Variants in B4GALT5 observed in about 807,000 individuals in gnomAD.
B4GALT5 encodes the protein UDP-Gal:beta-GlcNAc beta-1,4-galactosyltransferase 5.
Under a neutral mutation model 45.0 loss-of-function variants are expected in B4GALT5, and 11 were observed. The observed-to-expected ratio is 0.24, with a 90% CI of 0.15 to 0.40. The LOEUF is 0.40. Among genes scored for constraint, B4GALT5 ranks in the 10% least tolerant of loss-of-function variants. B4GALT5 has a pLI of 1.00. For synonymous variants in B4GALT5, 185 were observed against 182.9 expected (o/e 1.01, Z -0.09); for missense variants, 337 against 500.2 (o/e 0.67, Z 3.11).
At chr20:49,638,011 T>C (rs2085561213) in intron 7 of B4GALT5, among the ~76,000 whole-genome samples, 1 of 123,718 alleles carries the variant, frequency 8.1e-6, no homozygotes, top group Non-Finnish European at 1.7e-5. Flanking sequence ...ACTTAGACAC[T>C]TGTATCATCT....
chr20:49,702,021 T>C (rs1406163025), intron 1 of B4GALT5, among the ~76,000 whole-genome samples: 2 of 152,174 alleles, frequency 1.3e-5, no homozygotes, highest in South Asian at 2.1e-4. Context: ...GTTGAGATCA[T>C]GCCATTGCAC....
At chr20:49,656,480 T>G (rs781581479) in intron 2 of B4GALT5, 88 bp downstream of exon 2, 4 of 1,533,960 alleles carry the variant, frequency 2.6e-6, no homozygotes, top group Non-Finnish European at 3.6e-6. Flanking sequence ...ACAATGCGCT[T>G]TTCCCATTGA....
chr20:49,698,937 T>C (rs1351344697), intron 1 of B4GALT5, among the ~76,000 whole-genome samples: 1 of 152,156 alleles, frequency 6.6e-6, no homozygotes, highest in Non-Finnish European at 1.5e-5. Flanking sequence ...AAGTAAATAC[T>C]TCCTCATCCC....
intron 1 of B4GALT5, among the ~76,000 whole-genome samples, chr20:49,711,997 C>G (rs997798953): frequency 6.6e-6 from 1 of 152,120 alleles, no homozygotes; most frequent in Non-Finnish European, 1.5e-5. Flanking sequence ...TCCATATAAT[C>G]CAAAATTTTT....
At chr20:49,703,534 G>A (rs1451359095) in intron 1 of B4GALT5, among the ~76,000 whole-genome samples, 1 of 152,086 alleles carries the variant, frequency 6.6e-6, no homozygotes, top group African/African-American at 2.4e-5. Flanking sequence ...TATAGATTAT[G>A]AGGATATGGG....
chr20:49,643,971 C>T (rs1601247076), intron 3 of B4GALT5, among the ~76,000 whole-genome samples: 1 of 127,262 alleles, frequency 7.9e-6, no homozygotes, highest in East Asian at 2.6e-4. Flanking sequence ...CTCTGTTGCC[C>T]GGGCTGGAGT....
At chr20:49,665,295 C>A (rs2085684835) in intron 1 of B4GALT5, among the ~76,000 whole-genome samples, 1 of 151,006 alleles carries the variant, frequency 6.6e-6, no homozygotes, top group Non-Finnish European at 1.5e-5. Flanking sequence ...ATGGCGTACT[C>A]CCAAGCTACT....
intron 8 of B4GALT5, 59 bp from the exon 9 acceptor site, chr20:49,636,518 C>A: frequency 6.3e-7 from 1 of 1,583,064 alleles, no homozygotes; most frequent in Non-Finnish European, 8.7e-7. Flanking sequence ...GCCTCTGCAG[C>A]CAGAGGATGG....
intron 8 of B4GALT5, among the ~76,000 whole-genome samples, chr20:49,636,772 G>T (rs1432848155): frequency 6.6e-6 from 1 of 152,162 alleles, no homozygotes; most frequent in Non-Finnish European, 1.5e-5. Context: ...GGGGAAGTGG[G>T]AGGTAAAGCA....
Position 49,692,151 on chromosome 20 carries a change from A to G in B4GALT5, c.115+21425T>C, listed in dbSNP as rs543019952. 2.0e-5 allele frequency among the ~76,000 whole-genome samples: 3 copies of G among 150,962 alleles called. No homozygotes were observed. In the South Asian group the frequency reaches 6.3e-4, roughly 31 times the overall value. On this transcript the variant is annotated intron_variant, in intron 1 of 8. Transcript: ENST00000371711. ...CACTATCTTCAGAGTATTCTCACCT[A>G]CTGTTTTTTTTTTAATGTATTCACT...
In B4GALT5 at chr20:49,642,562, C is replaced by T; in HGVS notation, c.512G>A (p.Arg171Gln). 6.2e-7 allele frequency: 1 copy of T among 1,613,976 alleles called. No individual in the cohort carries two copies. Among genetic ancestry groups the T allele is most frequent in the Non-Finnish European group, 8.5e-7 (1 of 1,179,920 alleles). Residue 171 changes from arginine to glutamine, a missense_variant, in exon 5 of 9, where the codon CGG becomes CAG. This residue lies in a region of B4GALT5 where 163 missense variants were observed against 292.8 expected (regional missense o/e 0.56). Transcript: ENST00000371711. ...RWKVAILIPFRNRHEHLPVLF... is the reference protein window; with the variant it reads ...RWKVAILIPFQNRHEHLPVLF... The stretch of plus-strand genomic sequence containing the variant: ...GACTGGGAGGTGCTCGTGGCGGTTC[C>T]GGAAGGGGATAAGGATCGCCACCTG...
chr20:49,669,650 C>T (rs1035955039), intron 1 of B4GALT5, among the ~76,000 whole-genome samples: 5 of 150,130 alleles, frequency 3.3e-5, no homozygotes, highest in African/African-American at 9.8e-5. Flanking sequence ...GAGCTAAGAT[C>T]GCGCCATTGC....
At chr20:49,674,940 C>T (rs1218099376) in intron 1 of B4GALT5, among the ~76,000 whole-genome samples, 2 of 152,210 alleles carry the variant, frequency 1.3e-5, no homozygotes, top group Non-Finnish European at 2.9e-5. Context: ...GGACAGTTCT[C>T]TGGAACCTGC....
At chr20:49,687,941 T>C (rs572918914) in intron 1 of B4GALT5, among the ~76,000 whole-genome samples, 4 of 152,164 alleles carry the variant, frequency 2.6e-5, no homozygotes, top group African/African-American at 9.6e-5. Flanking sequence ...GAAGCTACTA[T>C]GACTTGAAGA....
At chr20:49,706,126 C>T (rs1439231628) in intron 1 of B4GALT5, among the ~76,000 whole-genome samples, 3 of 148,774 alleles carry the variant, frequency 2.0e-5, no homozygotes, top group Admixed American at 6.8e-5. Flanking sequence ...ACCCAGGAGG[C>T]GGAGGTTGCA....
At chr20:49,647,150 C>A in intron 2 of B4GALT5, 72 bp from the exon 3 acceptor site, 2 of 861,386 alleles carry the variant, frequency 2.3e-6, no homozygotes, top group South Asian at 1.6e-5. Context: ...AGATGCCTAC[C>A]AAGTAAGTCT....
intron 1 of B4GALT5, among the ~76,000 whole-genome samples, chr20:49,700,742 G>C (rs1568734685): frequency 6.6e-6 from 1 of 152,210 alleles, no homozygotes; most frequent in Non-Finnish European, 1.5e-5. Flanking sequence ...CTGGACAAAG[G>C]AATGACTCAC....
At chr20:49,643,742 T>C in intron 3 of B4GALT5, 92 bp from the exon 4 acceptor site, 2 of 1,398,040 alleles carry the variant, frequency 1.4e-6, no homozygotes, top group South Asian at 1.5e-5. Flanking sequence ...CGCAATGCTT[T>C]TTCAGCTGAA....
chr20:49,636,491 T>C (rs1394958284), intron 8 of B4GALT5, 32 bp from the exon 9 acceptor site: 11 of 1,612,022 alleles, frequency 6.8e-6, no homozygotes, highest in East Asian at 2.2e-5. Context: ...AAGAGGTGGC[T>C]CTGAGTGAGG....
Sources: allele counts gnomAD v4.1 joint callset (sites outside exome capture counted in the v4.1 genomes callset), GRCh38; gene constraint gnomAD v4.1.1; regional missense constraint gnomAD v4.1.1; transcripts MANE v1.5; gene names NCBI Gene and HGNC (gene_info 2026-07-23, HGNC 2026-07-21).